Variants in CCDC138 observed in about 807,000 individuals in gnomAD.
CCDC138 encodes coiled-coil domain-containing protein 138.
CCDC138 carries 66 observed loss-of-function variants against 82.3 expected under a neutral mutation model. The ratio of observed to expected loss-of-function variants is 0.80; its 90% CI spans 0.66 to 0.98. The LOEUF (loss-of-function observed/expected upper bound fraction) is 0.98, where lower values mean the gene tolerates loss of function less well. Among genes scored for constraint, CCDC138 ranks in the 50% least tolerant of loss-of-function variants. CCDC138 has a pLI of 0.00. For synonymous variants in CCDC138, 297 were observed against 265.4 expected, an observed-to-expected ratio of 1.12 and a Z score of -1.16; for missense variants, 816 against 758.9, an observed-to-expected ratio of 1.08 and a Z score of -0.88.
In CCDC138 at chr2:108,843,871, TG is replaced by T. The variant is rs1558717000; in HGVS notation, c.1324-2866del. Among the ~76,000 whole-genome samples the T allele has an allele frequency of 9.1e-3, 1,223 of 134,166 alleles. 39 individuals are homozygous for T. Among genetic ancestry groups the T allele is most frequent in the Middle Eastern group, 0.028 (7 of 250 alleles). The allele number at this position is 134,166 out of a possible 152,430, so 88.0% of individuals were successfully genotyped here. A position where few individuals can be genotyped will look rare whatever the true frequency, so the allele number is the denominator to read the frequency against. ...GTGTGTGTGTGTGTGTGTGTGTGTG[TG>T]TGTGTGTTTCTTTCTTTTTTTTTTT... On this transcript the variant is annotated intron_variant, in intron 11 of 14. Coordinates refer to ENST00000295124, the MANE Select transcript of CCDC138 (RefSeq NM_144978.3).
intron 3 of CCDC138, among the ~76,000 whole-genome samples, chr2:108,790,658 G>T (rs939655003): frequency 2.0e-5 from 3 of 152,126 alleles, no homozygotes; most frequent in Non-Finnish European, 4.4e-5. Context: ...CCGAGATCGC[G>T]CCACTGCACT....
At chr2:108,834,557 C>A (rs1292650248) in intron 10 of CCDC138, among the ~76,000 whole-genome samples, 2 of 152,148 alleles carry the variant, frequency 1.3e-5, no homozygotes, top group African/African-American at 4.8e-5. Context: ...AAATAGTTGA[C>A]ATCAATCCAT....
chr2:108,791,754 G>C lies in CCDC138; in HGVS notation c.346G>C (p.Val116Leu), dbSNP rs752989844. The change falls in exon 4 of 15, where the codon GTT becomes CTT. Residue 116 changes from valine (V) to leucine (L), a missense_variant. Val to Leu is a conservative substitution (Grantham distance 32). Transcript: ENST00000295124. The stretch of plus-strand genomic sequence containing the variant: ...AGAGTTAATTGAAAATGATTATAGA[G>C]TTAGTACCTCGAAAATAACCAAGCA... ...EEELIENDYRVSTSKITKQSF... is the reference protein window; with the variant it reads ...EEELIENDYRLSTSKITKQSF... 10 of 1,602,378 alleles carry C rather than the reference G, an allele frequency of 6.2e-6. No individual in the cohort carries two copies. The African/African-American group carries it at 1.1e-4, about 17-fold the overall frequency.
At chr2:108,863,518 T>C (rs545848529) in intron 13 of CCDC138, among the ~76,000 whole-genome samples, 1 of 152,214 alleles carries the variant, frequency 6.6e-6, no homozygotes, top group African/African-American at 2.4e-5. Flanking sequence ...GGGGTGCTCA[T>C]TGGGAAGAGC....
chr2:108,804,776 T>G, intron 6 of CCDC138, 113 bp from the exon 7 acceptor site: 3 of 1,020,502 alleles, frequency 2.9e-6, no homozygotes, highest in Non-Finnish European at 4.0e-6. Flanking sequence ...ATACACTGAT[T>G]AAAGTTTTTG....
chr2:108,788,932 T>A lies in CCDC138; in HGVS notation c.232T>A (p.Leu78Met). ...SDESKHCRTP[L>M]GSLFKHVNVN... ...TGAAAGCAAGCATTGTAGAACACCA[T>A]TGGGCAGCTTATTCAAGCACGTAAA... The change falls in exon 3 of 15, where the codon TTG becomes ATG. Residue 78 changes from leucine (L) to methionine (M), a missense_variant. Transcript: ENST00000295124. 6.2e-7 allele frequency: 1 copy of A among 1,614,134 alleles called. No homozygotes were observed. The highest frequency in any genetic ancestry group is 8.5e-7 in the Non-Finnish European group (1 of 1,180,004).
At chr2:108,790,395 C>T (rs886578424) in intron 3 of CCDC138, among the ~76,000 whole-genome samples, 12 of 151,824 alleles carry the variant, frequency 7.9e-5, no homozygotes, top group Non-Finnish European at 1.8e-4. Context: ...AACATTGGAC[C>T]CCTAGTTGTG....
At chr2:108,862,467 G>A (rs1270124559) in intron 13 of CCDC138, among the ~76,000 whole-genome samples, 1 of 152,120 alleles carries the variant, frequency 6.6e-6, no homozygotes, top group Non-Finnish European at 1.5e-5. Flanking sequence ...TCAGATTAGG[G>A]ATGCTCAACC....
At chr2:108,818,153 A>G (rs1369315201) in intron 10 of CCDC138, among the ~76,000 whole-genome samples, 1 of 152,090 alleles carries the variant, frequency 6.6e-6, no homozygotes, top group Admixed American at 6.6e-5. Context: ...AAAAAATACA[A>G]AAGTTAGCCA....
chr2:108,834,666 T>C (rs1257507488), intron 10 of CCDC138, among the ~76,000 whole-genome samples: 1 of 152,224 alleles, frequency 6.6e-6, no homozygotes, highest in Non-Finnish European at 1.5e-5. Flanking sequence ...TTAAGTATAT[T>C]CCCAATGCTG....
chr2:108,809,869 G>A (rs1328979183), intron 7 of CCDC138, among the ~76,000 whole-genome samples: 1 of 152,092 alleles, frequency 6.6e-6, no homozygotes, highest in Non-Finnish European at 1.5e-5. Flanking sequence ...GCAGCAGCAC[G>A]ATATCTGCTC....
At chr2:108,808,085 T>C (rs1346628288) in intron 7 of CCDC138, among the ~76,000 whole-genome samples, 1 of 152,206 alleles carries the variant, frequency 6.6e-6, no homozygotes, top group East Asian at 1.9e-4. Flanking sequence ...GTACTTGGCT[T>C]ATTTCACTTA....
intron 13 of CCDC138, among the ~76,000 whole-genome samples, chr2:108,871,414 A>G (rs988313668): frequency 6.6e-6 from 1 of 150,518 alleles, no homozygotes; most frequent in Non-Finnish European, 1.5e-5. Context: ...TTAACTGGGC[A>G]TGATGGTGTG....
chr2:108,829,916 C>G (rs1687271973), intron 10 of CCDC138, among the ~76,000 whole-genome samples: 1 of 152,064 alleles, frequency 6.6e-6, no homozygotes, highest in African/African-American at 2.4e-5. Flanking sequence ...AGTTTTACTT[C>G]TGGATATATA....
At chr2:108,786,946 G>T (rs758307415) in intron 1 of CCDC138, 31 bp downstream of exon 1, 4 of 1,432,692 alleles carry the variant, frequency 2.8e-6, no homozygotes, top group Non-Finnish European at 2.8e-6. Context: ...CCGCGGGTGG[G>T]CTCCTGCTGC....
At chr2:108,844,846 C>G (rs1383963818) in intron 11 of CCDC138, among the ~76,000 whole-genome samples, 3 of 151,188 alleles carry the variant, frequency 2.0e-5, no homozygotes, top group Non-Finnish European at 4.4e-5. Context: ...CTCCCAGGTT[C>G]AAGCGATTCT....
intron 5 of CCDC138, among the ~76,000 whole-genome samples, chr2:108,796,345 C>T (rs1439055744): frequency 1.3e-5 from 2 of 152,270 alleles, no homozygotes; most frequent in Non-Finnish European, 2.9e-5. Context: ...TGAGCCACCG[C>T]GCCTGGCCAA....
At chr2:108,859,942 T>C (rs1693282785) in intron 13 of CCDC138, among the ~76,000 whole-genome samples, 3 of 152,188 alleles carry the variant, frequency 2.0e-5, no homozygotes, top group African/African-American at 7.2e-5. Context: ...GAGCATGGAA[T>C]GTTTTTCCAT....
At chr2:108,856,697 A>T in intron 12 of CCDC138, 97 bp from the exon 13 acceptor site, 1 of 1,114,724 alleles carries the variant, frequency 9.0e-7, no homozygotes, top group Non-Finnish European at 1.3e-6. Context: ...TTGTCTTTTG[A>T]GTTTGTTAAA....
Sources: gnomAD v4.1 joint callset for allele counts (sites outside exome capture counted in the v4.1 genomes callset) on GRCh38, gnomAD v4.1.1 for gene constraint, MANE v1.5 for transcripts, NCBI Gene and HGNC (gene_info 2026-07-23, HGNC 2026-07-21) for gene names.